The following CUL3 variants were observed in gnomAD, a reference collection of about 807,000 sequenced individuals.
The protein encoded by CUL3 is cullin 3.
A neutral mutation model predicts 89.1 loss-of-function variants in CUL3; 19 were observed. The observed-to-expected ratio is 0.21, with a 90% CI of 0.15 to 0.31. The LOEUF is 0.31. Among genes scored for constraint, CUL3 ranks in the 10% least tolerant of loss-of-function variants. The probability of loss-of-function intolerance (pLI) is 1.00; values close to 1 mark genes in which losing one functional copy is unlikely to be tolerated. For missense variants in CUL3, 469 were observed against 942.3 expected (o/e 0.50, Z 6.58); for synonymous variants, 351 against 308.4 (o/e 1.14, Z -1.45).
At chr2:224,561,665 T>A (rs988905400) in intron 1 of CUL3, among the ~76,000 whole-genome samples, 6 of 152,164 alleles carry the variant, frequency 3.9e-5, no homozygotes, top group African/African-American at 1.4e-4. Context: ...GTAAAAGAAT[T>A]TACCCCTACA....
intron 1 of CUL3, chr2:224,569,586 C>G (rs1364844318): frequency 2.0e-5 from 11 of 549,774 alleles, no homozygotes; most frequent in Non-Finnish European, 2.6e-5. Context: ...TCTTTGTTTT[C>G]TTTAAAGCAA....
chr2:224,574,399 A>G (rs1695252388), intron 1 of CUL3, among the ~76,000 whole-genome samples: 1 of 152,232 alleles, frequency 6.6e-6, no homozygotes, highest in South Asian at 2.1e-4. Flanking sequence ...ATCAGTTCTC[A>G]ATTTCCTATT....
chr2:224,544,271 G>A (rs1694220798), intron 2 of CUL3, among the ~76,000 whole-genome samples: 1 of 152,074 alleles, frequency 6.6e-6, no homozygotes, highest in South Asian at 2.1e-4. Context: ...TTAAATTGGG[G>A]CTTCTATTTT....
intron 4 of CUL3, among the ~76,000 whole-genome samples, chr2:224,514,376 T>C (rs926343781): frequency 3.9e-5 from 6 of 152,188 alleles, no homozygotes; most frequent in Non-Finnish European, 7.4e-5. Context: ...AAGTGACGGC[T>C]AGCTGAAAAG....
intron 1 of CUL3, among the ~76,000 whole-genome samples, chr2:224,580,675 C>T (rs1047060104): frequency 6.6e-6 from 1 of 151,710 alleles, no homozygotes; most frequent in Non-Finnish European, 1.5e-5. Flanking sequence ...CAGAGCAAGA[C>T]TCTGTCTCAA....
chr2:224,501,011 G>A (rs994538558), intron 10 of CUL3, among the ~76,000 whole-genome samples: 21 of 152,166 alleles, frequency 1.4e-4, no homozygotes, highest in African/African-American at 4.8e-4. Context: ...TGCTTATTAT[G>A]TTAATTTAAA....
At chr2:224,565,971 T>C (rs1695031758) in intron 1 of CUL3, among the ~76,000 whole-genome samples, 2 of 152,350 alleles carry the variant, frequency 1.3e-5, no homozygotes, top group African/African-American at 4.8e-5. Flanking sequence ...ACTTTCATCA[T>C]GTTCCCTCTA....
chr2:224,500,507 A>T lies in CUL3; in HGVS notation c.1486-20T>A. 1 of 1,611,180 alleles carries T rather than the reference A, an allele frequency of 6.2e-7. No homozygotes were observed. On this transcript the variant is annotated intron_variant, in intron 10 of 15. Transcript: ENST00000264414. ...AGATACCTATGTAAAACAGAAAGAG[A>T]TATTCCCCTCAAAATTAACTAGGAT...
intron 2 of CUL3, 68 bp from the exon 3 acceptor site, chr2:224,535,709 T>C: frequency 4.6e-6 from 4 of 872,700 alleles, no homozygotes; most frequent in Non-Finnish European, 7.6e-6. Context: ...GGCATGCACA[T>C]ATCTGTTTAA....
At chr2:224,578,196 G>A (rs1173245339) in intron 1 of CUL3, among the ~76,000 whole-genome samples, 2 of 152,070 alleles carry the variant, frequency 1.3e-5, no homozygotes, top group African/African-American at 4.8e-5. Flanking sequence ...AATAGTCATA[G>A]TTGCAATCTT....
At chr2:224,533,276 C>T (rs1693759858) in intron 3 of CUL3, among the ~76,000 whole-genome samples, 1 of 152,158 alleles carries the variant, frequency 6.6e-6, no homozygotes, top group African/African-American at 2.4e-5. Flanking sequence ...CAGTTAATCT[C>T]TAATGAGCAT....
intron 12 of CUL3, 122 bp from the exon 13 acceptor site, chr2:224,496,088 T>C: frequency 9.4e-7 from 1 of 1,058,802 alleles, no homozygotes; most frequent in Non-Finnish European, 1.4e-6. Context: ...TACAGTGCAG[T>C]GGCGCAAACA....
At chr2:224,507,099 C>G in intron 6 of CUL3, 96 bp from the exon 7 acceptor site, 1 of 1,070,574 alleles carries the variant, frequency 9.3e-7, no homozygotes, top group Non-Finnish European at 1.3e-6. Flanking sequence ...GCTTATTTCT[C>G]CATTACCCCC....
At chr2:224,512,003 TAA>T (rs1290383159) in intron 5 of CUL3, among the ~76,000 whole-genome samples, 2 of 152,196 alleles carry the variant, frequency 1.3e-5, no homozygotes, top group Non-Finnish European at 2.9e-5. Flanking sequence ...GCTGGTTAAT[TAA>T]GTCTTCCAGT....
chr2:224,535,739 C>A, intron 2 of CUL3, 98 bp from the exon 3 acceptor site: 1 of 748,992 alleles, frequency 1.3e-6, no homozygotes, highest in Non-Finnish European at 2.3e-6. Flanking sequence ...GAAGTGGAAT[C>A]TTTAATTTAA....
chr2:224,513,639 CTG>C lies in CUL3; in HGVS notation c.540-3_540-2del. 1 of 1,566,272 alleles carries C rather than the reference CTG, an allele frequency of 6.4e-7. No homozygotes were observed. Among genetic ancestry groups the C allele is most frequent in the Non-Finnish European group, 8.6e-7 (1 of 1,162,768 alleles). ...CTGGCAAGCATTTCTTATTGCGCCT[CTG>C]TCGAAAAAAGTTATTATCACTTGAT... is the stretch of plus-strand genomic sequence containing the variant. On this transcript the variant is annotated splice_acceptor_variant and splice_polypyrimidine_tract_variant and intron_variant, in intron 4 of 15. Transcript: ENST00000264414. LOFTEE classifies it high-confidence loss of function.
intron 3 of CUL3, among the ~76,000 whole-genome samples, chr2:224,524,104 AC>A (rs1693375765): frequency 6.6e-6 from 1 of 151,816 alleles, no homozygotes; most frequent in African/African-American, 2.4e-5. Flanking sequence ...CAAACCAAAA[AC>A]CCCCAGTGTT....
intron 1 of CUL3, among the ~76,000 whole-genome samples, chr2:224,573,606 T>C (rs77774506): frequency 0.015 from 2,342 of 152,288 alleles, 65 homozygotes; most frequent in African/African-American, 0.054. Flanking sequence ...AAGAGAGTAG[T>C]GCATTGTATA....
At position 224,478,194 on chromosome 2, in the gene CUL3, C is replaced by T; in HGVS notation, c.2175+6G>A. 4.3e-6 allele frequency: 7 copies of T among 1,610,058 alleles called. No homozygotes were observed. The highest frequency in any genetic ancestry group is 5.9e-6 in the Non-Finnish European group (7 of 1,177,630). On this transcript the variant is annotated splice_donor_region_variant and intron_variant, in intron 15 of 15. Transcript: ENST00000264414. The stretch of plus-strand genomic sequence containing the variant: ...CTATATTAGCCCAGTAGTGAAGAGT[C>T]CTCACCTCCGCTACTAGAACATTGT...
Sources: allele counts gnomAD v4.1 joint callset (sites outside exome capture counted in the v4.1 genomes callset), GRCh38; gene constraint gnomAD v4.1.1; transcripts MANE v1.5; gene names NCBI Gene and HGNC (gene_info 2026-07-23, HGNC 2026-07-21).